SLC39A11: variants seen among roughly 807,000 people sequenced by gnomAD.
SLC39A11 encodes the protein solute carrier family 39 member 11, also known as zinc transporter ZIP11.
A neutral mutation model predicts 36.1 loss-of-function variants in SLC39A11; 33 were observed. The ratio of observed to expected loss-of-function variants is 0.91; its 90% confidence interval spans 0.69 to 1.22. SLC39A11 has a LOEUF of 1.22. Ranked by LOEUF, SLC39A11 falls within the 50% of genes most tolerant of loss-of-function variation. The pLI is 0.00. For missense variants in SLC39A11, 432 were observed against 430.3 expected, an observed-to-expected ratio of 1.00 and a Z score of -0.03; for synonymous variants, 166 against 170.3, an observed-to-expected ratio of 0.97 and a Z score of 0.20.
At chr17:72,849,890 A>T in intron 5 of SLC39A11, 86 bp from the exon 6 acceptor site, 1 of 1,290,086 alleles carries the variant, frequency 7.8e-7, no homozygotes, top group Non-Finnish European at 1.0e-6. Context: ...CTACAGCAGG[A>T]AGAAGCTTCT....
chr17:72,922,545 A>G (rs2083736428), intron 5 of SLC39A11, among the ~76,000 whole-genome samples: 1 of 152,224 alleles, frequency 6.6e-6, no homozygotes, highest in South Asian at 2.1e-4. Flanking sequence ...GCCTCGAGGA[A>G]TAAAAATAAC....
At chr17:72,649,676 C>G (rs866050731) in intron 7 of SLC39A11, among the ~76,000 whole-genome samples, 1 of 139,672 alleles carries the variant, frequency 7.2e-6, no homozygotes, top group Admixed American at 7.8e-5. Flanking sequence ...GAGTCTCGCT[C>G]TGGAGACTCC....
At chr17:72,765,332 T>G (rs534026574) in intron 6 of SLC39A11, among the ~76,000 whole-genome samples, 6 of 152,156 alleles carry the variant, frequency 3.9e-5, no homozygotes, top group African/African-American at 1.4e-4. Context: ...ACCCCAATGA[T>G]TGCATTCACA....
intron 5 of SLC39A11, among the ~76,000 whole-genome samples, chr17:72,908,244 C>G (rs903211238): frequency 5.9e-5 from 9 of 152,222 alleles, no homozygotes; most frequent in African/African-American, 2.2e-4. Flanking sequence ...AATAAATCCA[C>G]AGGTGTGAAT....
intron 7 of SLC39A11, among the ~76,000 whole-genome samples, chr17:72,655,001 G>A (rs1425813657): frequency 6.6e-6 from 1 of 152,174 alleles, no homozygotes; most frequent in African/African-American, 2.4e-5. Context: ...CGTTACCTCT[G>A]CCTTGCCCCA....
At chr17:72,683,403 A>G (rs1365680364) in intron 7 of SLC39A11, among the ~76,000 whole-genome samples, 1 of 147,032 alleles carries the variant, frequency 6.8e-6, no homozygotes, top group Non-Finnish European at 1.5e-5. Flanking sequence ...TGGCACAGTC[A>G]CGGCTCACTG....
intron 7 of SLC39A11, among the ~76,000 whole-genome samples, chr17:72,674,914 A>G (rs2071185870): frequency 6.6e-6 from 1 of 152,040 alleles, no homozygotes; most frequent in Non-Finnish European, 1.5e-5. Context: ...AAAAGATGCC[A>G]CTGAAATATA....
At chr17:72,831,952 A>T (rs1358134375) in intron 6 of SLC39A11, among the ~76,000 whole-genome samples, 1 of 152,240 alleles carries the variant, frequency 6.6e-6, no homozygotes, top group East Asian at 1.9e-4. Flanking sequence ...ACTATGAAAA[A>T]TAAGTAGTAA....
chr17:73,066,251 G>A (rs1200754684), intron 3 of SLC39A11, among the ~76,000 whole-genome samples: 1 of 152,150 alleles, frequency 6.6e-6, no homozygotes, highest in East Asian at 1.9e-4. Flanking sequence ...CAAGGCCCCA[G>A]ACCTGAGTGA....
At chr17:72,855,342 A>C (rs375626340) in intron 5 of SLC39A11, among the ~76,000 whole-genome samples, 24 of 152,286 alleles carry the variant, frequency 1.6e-4, no homozygotes, top group African/African-American at 5.3e-4. Context: ...CAATGATGGA[A>C]TTGCAGGCCC....
At chr17:72,664,443 C>T (rs553757789) in intron 7 of SLC39A11, among the ~76,000 whole-genome samples, 3 of 152,166 alleles carry the variant, frequency 2.0e-5, no homozygotes, top group Non-Finnish European at 4.4e-5. Flanking sequence ...TTCTTGGCTA[C>T]TCTCTGTCAC....
chr17:72,777,973 C>T (rs1051375970), intron 6 of SLC39A11, among the ~76,000 whole-genome samples: 2 of 152,154 alleles, frequency 1.3e-5, no homozygotes, highest in Non-Finnish European at 1.5e-5. Flanking sequence ...GGTGCGATGT[C>T]GGCTCACTGC....
At chr17:72,893,158 T>C (rs573101970) in intron 5 of SLC39A11, among the ~76,000 whole-genome samples, 23 of 152,250 alleles carry the variant, frequency 1.5e-4, no homozygotes, top group Non-Finnish European at 2.6e-4. Context: ...CCCAATACTA[T>C]TGAATGAAAA....
intron 5 of SLC39A11, among the ~76,000 whole-genome samples, chr17:72,918,519 C>G (rs1598411651): frequency 6.6e-6 from 1 of 152,188 alleles, no homozygotes; most frequent in African/African-American, 2.4e-5. Context: ...TCAGCCAGAG[C>G]CCTGGCGCAA....
intron 4 of SLC39A11, among the ~76,000 whole-genome samples, chr17:73,004,232 A>AAGGAAAGAAAAGAAAAG: frequency 1.1e-5 from 1 of 88,710 alleles, no homozygotes; most frequent in East Asian, 2.9e-4. Flanking sequence ...AGAAAGAAAG[A>AAGGAAAGAAAAGAAAAG]AAAGAAAGAA....
At chr17:72,720,813 C>A (rs1469388189) in intron 7 of SLC39A11, among the ~76,000 whole-genome samples, 1 of 152,124 alleles carries the variant, frequency 6.6e-6, no homozygotes, top group African/African-American at 2.4e-5. Flanking sequence ...ATGAAAGAGC[C>A]AGGATTTGAA....
At chr17:72,740,379 T>G (rs764323502) in intron 6 of SLC39A11, among the ~76,000 whole-genome samples, 6 of 152,094 alleles carry the variant, frequency 3.9e-5, no homozygotes, top group Non-Finnish European at 7.4e-5. Flanking sequence ...TTTCTTAATG[T>G]TAAGAAAATC....
rs1475684296 is a variant in SLC39A11 at position 72,729,443 on chromosome 17, ATATATATATATATATTTTTTTTT to A, written c.671+7184_671+7206del. 3.5e-3 allele frequency among the ~76,000 whole-genome samples: 8 copies of A among 2,302 alleles called. 2 individuals carry two copies. The highest frequency in any genetic ancestry group is 0.015 in the African/African-American group (8 of 520). 1.5% of individuals were successfully genotyped at this position (2,302 alleles called of 152,430 possible). ...TATATATATATATATATATATATAT[ATATATATATATATATTTTTTTTT>A]TTTTTTTTTTTTGTAGAGACAGGGT... is the stretch of plus-strand genomic sequence containing the variant. On this transcript the variant is annotated intron_variant, in intron 7 of 9. Transcript: ENST00000255559.
At chr17:73,078,372 A>T (rs896424496) in intron 3 of SLC39A11, among the ~76,000 whole-genome samples, 1 of 152,236 alleles carries the variant, frequency 6.6e-6, no homozygotes, top group Non-Finnish European at 1.5e-5. Context: ...AAATATGCAG[A>T]CAGATAGATC....
Sources: gnomAD v4.1 joint callset for allele counts (sites outside exome capture counted in the v4.1 genomes callset) on GRCh38, gnomAD v4.1.1 for gene constraint, MANE v1.5 for transcripts, NCBI Gene and HGNC (gene_info 2026-07-23, HGNC 2026-07-21) for gene names.